WNK1: variants seen among roughly 807,000 people sequenced by gnomAD.
The protein encoded by WNK1 is serine/threonine-protein kinase WNK1.
Under a neutral mutation model 222.8 loss-of-function variants are expected in WNK1, and 38 were observed. The observed-to-expected ratio is 0.17, with a 90% CI of 0.13 to 0.22. The LOEUF is 0.22. WNK1 is among the 10% of genes least tolerant of loss of function. WNK1 has a pLI of 1.00. For synonymous variants in WNK1, 1,090 were observed against 1,092.9 expected (o/e 1.00, Z 0.05); for missense variants, 2,348 against 2,918.4 (o/e 0.80, Z 4.50).
chr12:846,230 G>A (rs1453986044), intron 4 of WNK1, among the ~76,000 whole-genome samples: 6 of 152,160 alleles, frequency 3.9e-5, no homozygotes, highest in Admixed American at 2.6e-4. Flanking sequence ...CTATTTAACA[G>A]AGAAAAACTT....
In WNK1 at chr12:896,258, G is replaced by C; in HGVS notation, c.5771G>C (p.Ser1924Thr). Residue 1924 changes from serine (S) to threonine (T), a missense_variant, in exon 24 of 28, where the codon AGT (serine) becomes ACT (threonine). By Grantham distance (58) the Ser-to-Thr change is moderately conservative (BLOSUM62 1). Transcript: ENST00000315939. ...GGTATCTCTTCAGATGTGCCAGAGA[G>C]TGCCCACAAAACTACTGCCTCAGAG... ...IPGISSDVPE[S>T]AHKTTASEAK... is the part of the protein sequence containing the mutation. 1 of 1,614,196 alleles carries C rather than the reference G, an allele frequency of 6.2e-7. No individual in the cohort carries two copies.
At position 810,407 on chromosome 12, in the gene WNK1, G is replaced by A. The variant is rs137947646; in HGVS notation, c.760-3235G>A. On this transcript the variant is annotated intron_variant, in intron 1 of 27. Coordinates refer to ENST00000315939, the MANE Select transcript of WNK1 (RefSeq NM_018979.4). ...TTTGATATGTAGAGTTATCATGTGT[G>A]GTCTTAATTTAGCAGTAAAATTTTG... 2.7e-3 allele frequency among the ~76,000 whole-genome samples: 404 copies of A among 152,192 alleles called. 1 individual carries two copies. Among genetic ancestry groups the A allele is most frequent in the Middle Eastern group, 0.01 (3 of 294 alleles).
At position 909,674 on chromosome 12, in the gene WNK1, T is replaced by C. The variant is rs1020712297; in HGVS notation, c.*882T>C. 1 of 152,214 alleles carries C rather than the reference T, an allele frequency of 6.6e-6. No individual in the cohort carries two copies. The highest frequency in any genetic ancestry group is 2.4e-5 in the African/African-American group (1 of 41,452). The allele number at this position is 152,214 out of a possible 1,614,324, so 9.4% of individuals were successfully genotyped here. ...GTACTTGAATACTTCTGTTTCCCAG[T>C]GTTGCTTGCTGGACATTTTAGTGCC... is the stretch of plus-strand genomic sequence containing the variant. On this transcript the variant is annotated 3_prime_UTR_variant, in exon 28 of 28. Transcript: ENST00000315939.
intron 4 of WNK1, among the ~76,000 whole-genome samples, chr12:841,290 C>T (rs1483007030): frequency 6.6e-6 from 1 of 152,174 alleles, no homozygotes; most frequent in East Asian, 1.9e-4. Flanking sequence ...CCCCTAGCGA[C>T]CACTAATCTG....
At chr12:875,647 T>C (rs1592131323) in intron 9 of WNK1, among the ~76,000 whole-genome samples, 1 of 152,308 alleles carries the variant, frequency 6.6e-6, no homozygotes, top group East Asian at 1.9e-4. Flanking sequence ...AATCTAGTTT[T>C]ATTTTAATGT....
rs1337123794 is a variant in WNK1 at position 885,567 on chromosome 12, C to G, written c.4763C>G (p.Pro1588Arg). Residue 1588 changes from proline (P) to arginine (R), a missense_variant, in exon 19 of 28, where the codon CCT (proline) becomes CGT (arginine). Around this residue, in one of 13 missense-constraint regions of WNK1, gnomAD observed 1,144 missense variants for 1,273.6 expected, o/e 0.90. Transcript: ENST00000315939. ...STPILPQAAGPTSTPLLPQVP... is the reference protein window; with the variant it reads ...STPILPQAAGRTSTPLLPQVP... ...CCTATTCTTCCCCAAGCAGCAGGAC[C>G]TACTTCTACACCTTTATTACCCCAA... 2 of 1,614,010 alleles carry G rather than the reference C, an allele frequency of 1.2e-6. No individual in the cohort carries two copies. The highest frequency in any genetic ancestry group is 1.3e-5 in the African/African-American group (1 of 74,900).
intron 27 of WNK1, 109 bp from the exon 28 acceptor site, chr12:908,366 A>T: frequency 8.5e-7 from 1 of 1,182,262 alleles, no homozygotes; most frequent in Non-Finnish European, 1.3e-6. Flanking sequence ...AATACTACAG[A>T]AGACTGTTCT....
Position 753,785 on chromosome 12 carries a change from A to G in WNK1, c.220A>G (p.Thr74Ala). 1 of 1,612,446 alleles carries G rather than the reference A, an allele frequency of 6.2e-7. No homozygotes were observed. Among genetic ancestry groups the G allele is most frequent in the Non-Finnish European group, 8.5e-7 (1 of 1,179,908 alleles). The change falls in exon 1 of 28, where the codon ACC (threonine) becomes GCC (alanine). Residue 74 changes from threonine (T) to alanine (A), a missense_variant. Thr to Ala is a moderately conservative substitution (Grantham distance 58). This residue lies in a region of WNK1 where 108 missense variants were observed against 109.7 expected (regional missense o/e 0.98). Coordinates refer to ENST00000315939, the MANE Select transcript of WNK1 (RefSeq NM_018979.4). The surrounding 1 kb of genome is among the most constrained non-coding windows in gnomAD (Gnocchi z 5.2). Reference protein sequence around the residue: ...DSRGAAATTTTTEHRFFRRSV... With the variant: ...DSRGAAATTTATEHRFFRRSV... ...CCGTGGGGCGGCCGCGACCACTACC[A>G]CCACTGAGCACCGCTTCTTCCGCCG...
In WNK1 at chr12:764,659, G is replaced by T. The variant is rs879826669; in HGVS notation, c.759+10335G>T. Among the ~76,000 whole-genome samples, 68 of 105,802 alleles carry T rather than the reference G, an allele frequency of 6.4e-4. 9 individuals carry two copies. Among genetic ancestry groups the T allele is most frequent in the Non-Finnish European group, 1.1e-3 (55 of 48,046 alleles). The allele number at this position is 105,802 out of a possible 152,430, so 69.4% of individuals were successfully genotyped here. On this transcript the variant is annotated intron_variant, in intron 1 of 27. Coordinates refer to ENST00000315939, the MANE Select transcript of WNK1 (RefSeq NM_018979.4). ...CAAAAAAAAAAAAAAAAAAAAGAAA[G>T]AAAAATCATTAACATTCCCACTGAG...
intron 1 of WNK1, among the ~76,000 whole-genome samples, chr12:795,754 T>A (rs1295667370): frequency 6.6e-6 from 1 of 152,244 alleles, no homozygotes; most frequent in Non-Finnish European, 1.5e-5. Flanking sequence ...TACAGTTTCT[T>A]GAAGTTTGCC....
chr12:862,297 T>TA, intron 8 of WNK1, 27 bp downstream of exon 8: 3 of 1,611,150 alleles, frequency 1.9e-6, no homozygotes, highest in Non-Finnish European at 2.5e-6. Context: ...GAGCATGTAA[T>TA]ACTACAATGA....
chr12:899,574 C>T lies in WNK1; in HGVS notation c.6449-902C>T, dbSNP rs537678229. On this transcript the variant is annotated intron_variant, in intron 25 of 27. Transcript: ENST00000315939. Reference sequence around the variant, plus strand: ...CGGATTACAGGCATGAGCCACTATGCCCAGCTATGATCCTAATCAAATTCT... The same window carrying T: ...CGGATTACAGGCATGAGCCACTATGTCCAGCTATGATCCTAATCAAATTCT... Among the ~76,000 whole-genome samples, 7 of 152,266 alleles carry T rather than the reference C, an allele frequency of 4.6e-5. No individual in the cohort carries two copies. The South Asian group carries it at 8.3e-4, about 18-fold the overall frequency.
At position 909,036 on chromosome 12, in the gene WNK1, T is replaced by G; in HGVS notation, c.*244T>G. 1 of 542,214 alleles carries G rather than the reference T, an allele frequency of 1.8e-6. No homozygotes were observed. Among genetic ancestry groups the G allele is most frequent in the Non-Finnish European group, 3.3e-6 (1 of 301,022 alleles). 33.6% of individuals were successfully genotyped at this position (542,214 alleles called of 1,614,324 possible). On this transcript the variant is annotated 3_prime_UTR_variant, in exon 28 of 28. Coordinates refer to ENST00000315939, the MANE Select transcript of WNK1 (RefSeq NM_018979.4). Reference sequence around the variant, plus strand: ...TTTGTCAAGGGGCAGCTTCAGACCATGCTTTCCTGTTTATCTATACTCAGT... The same window carrying G: ...TTTGTCAAGGGGCAGCTTCAGACCAGGCTTTCCTGTTTATCTATACTCAGT...
In WNK1 at chr12:856,931, A is replaced by G. The variant is rs2240282; in HGVS notation, c.1312-230A>G. 0.63 allele frequency among the ~76,000 whole-genome samples: 96,301 copies of G among 152,034 alleles called. 31,333 individuals are homozygous for G. The highest frequency in any genetic ancestry group is 0.87 in the East Asian group (4,524 of 5,172). ...TATTAACATCTGCCTAAATTTTTTC[A>G]TTGTCACATATGGAAGTAAGTGACC... On this transcript the variant is annotated intron_variant, in intron 4 of 27. Transcript: ENST00000315939.
chr12:862,328 A>G (rs928185450), intron 8 of WNK1, 58 bp downstream of exon 8: 2 of 1,575,854 alleles, frequency 1.3e-6, no homozygotes, highest in Admixed American at 3.4e-5. Context: ...ATAGTCTGCT[A>G]AATTAAAATT....
intron 9 of WNK1, among the ~76,000 whole-genome samples, chr12:874,328 C>T (rs774785905): frequency 1.3e-5 from 2 of 152,132 alleles, no homozygotes; most frequent in Non-Finnish European, 2.9e-5. Flanking sequence ...CACAGCAGAT[C>T]ATCATGTACT....
chr12:904,567 G>A, intron 26 of WNK1: 1 of 1,014,220 alleles, frequency 9.9e-7, no homozygotes, highest in Non-Finnish European at 1.4e-6. Flanking sequence ...CAACTCTGCA[G>A]TCTCATAGCT....
In WNK1 at chr12:813,797, G is replaced by A. The variant is rs72648609; in HGVS notation, c.915G>A (p.Thr305=). The part of the protein sequence containing the change: ...KCIVLVTELM[T]SGTLKTYLKR... ...TTGTTTTGGTGACTGAACTTATGAC[G>A]TCTGGAACACTTAAAACGTAAGTTC... The change falls in exon 2 of 28, where the codon ACG becomes ACA. Residue 305 remains threonine, a synonymous_variant. Coordinates refer to ENST00000315939, the MANE Select transcript of WNK1 (RefSeq NM_018979.4). The A allele has an allele frequency of 7.1e-4, 1,144 of 1,613,790 alleles. 5 individuals are homozygous for A. Among genetic ancestry groups the A allele is most frequent in the South Asian group, 1.5e-3 (140 of 91,068 alleles).
At chr12:812,270 T>C (rs1946975824) in intron 1 of WNK1, among the ~76,000 whole-genome samples, 1 of 152,138 alleles carries the variant, frequency 6.6e-6, no homozygotes, top group African/African-American at 2.4e-5. Context: ...TTTTTATCCT[T>C]GGGGAAATGC....
Sources: gnomAD v4.1 joint callset for allele counts (sites outside exome capture counted in the v4.1 genomes callset) on GRCh38, gnomAD v4.1.1 for gene constraint, gnomAD v4.1.1 regional missense constraint, Gnocchi (gnomAD v3.1) non-coding constraint, MANE v1.5 for transcripts, NCBI Gene and HGNC (gene_info 2026-07-23, HGNC 2026-07-21) for gene names.